Variants in RNF212B observed in about 807,000 individuals in gnomAD.
RNF212B encodes ring finger protein 212B, also known as E3 ubiquitin-protein ligase RNF212B.
A neutral mutation model predicts 55.5 loss-of-function variants in RNF212B; 52 were observed. That is an observed-to-expected ratio of 0.94 (90% CI 0.75 to 1.18). The LOEUF is 1.18. Among genes scored for constraint, RNF212B ranks in the 50% most tolerant of loss-of-function variants. The pLI is 0.00. For missense variants in RNF212B, 289 were observed against 350.4 expected (o/e 0.82, Z 1.40); for synonymous variants, 99 against 121.4 (o/e 0.82, Z 1.21).
chr14:23,195,851 C>T (rs1878607161), intron 2 of RNF212B, among the ~76,000 whole-genome samples: 1 of 152,194 alleles, frequency 6.6e-6, no homozygotes, highest in African/African-American at 2.4e-5. Context: ...CGTTGTTTTG[C>T]ATTTTACAAA....
chr14:23,223,963 G>A (rs1566408642), intron 2 of RNF212B, among the ~76,000 whole-genome samples: 1 of 151,970 alleles, frequency 6.6e-6, no homozygotes, highest in East Asian at 1.9e-4. Context: ...ATCTGAAAGA[G>A]AAATAAAAAA....
chr14:23,221,074 A>C (rs1010610548), intron 2 of RNF212B, among the ~76,000 whole-genome samples: 1 of 151,986 alleles, frequency 6.6e-6, no homozygotes, highest in Non-Finnish European at 1.5e-5. Flanking sequence ...AAAAGACACA[A>C]TGATCTGTCA....
At chr14:23,244,127 C>T (rs1413111804) in intron 3 of RNF212B, among the ~76,000 whole-genome samples, 195 bp from the exon 4 acceptor site, 1 of 151,956 alleles carries the variant, frequency 6.6e-6, no homozygotes. Flanking sequence ...TATTTGTGAC[C>T]ACTGTTACAG....
intron 2 of RNF212B, among the ~76,000 whole-genome samples, chr14:23,229,251 T>TATATATAC (rs1882335089): frequency 7.5e-6 from 1 of 133,720 alleles, no homozygotes; most frequent in Admixed American, 7.6e-5. Context: ...TATATATATA[T>TATATATAC]ATATATATAT....
chr14:23,211,634 T>A (rs1395924794), intron 2 of RNF212B, among the ~76,000 whole-genome samples: 2 of 152,156 alleles, frequency 1.3e-5, no homozygotes, highest in Non-Finnish European at 2.9e-5. Flanking sequence ...GGATAATACG[T>A]CATGAACAAA....
chr14:23,230,653 CAAAAAAAAAAAAA>C (rs60122483), intron 2 of RNF212B, among the ~76,000 whole-genome samples: 2 of 74,002 alleles, frequency 2.7e-5, no homozygotes, highest in African/African-American at 4.7e-5. Context: ...GACTCCATCT[CAAAAAAAAAAAAA>C]AAAAAAAAAA....
At chr14:23,238,118 G>A (rs1308269407) in intron 1 of RNF212B, among the ~76,000 whole-genome samples, 63 bp downstream of exon 1, 2 of 152,156 alleles carry the variant, frequency 1.3e-5, no homozygotes, top group Non-Finnish European at 2.9e-5. Context: ...CATCGCCTCT[G>A]GAAAGCAGGG....
chr14:23,201,679 A>G (rs1168152317), intron 2 of RNF212B, among the ~76,000 whole-genome samples: 1 of 152,236 alleles, frequency 6.6e-6, no homozygotes, highest in Non-Finnish European at 1.5e-5. Context: ...AAGTTTGTCA[A>G]ATATAAAAGG....
upstream of RNF212B, among the ~76,000 whole-genome samples, chr14:23,235,117 C>A (rs1883008028): frequency 6.6e-6 from 1 of 152,178 alleles, no homozygotes; most frequent in Admixed American, 6.5e-5. Flanking sequence ...GAAGCTGAGG[C>A]AGGAGAATTG....
intron 1 of RNF212B, among the ~76,000 whole-genome samples, chr14:23,189,388 A>G (rs1057279672): frequency 3.2e-4 from 49 of 151,864 alleles, no homozygotes; most frequent in African/African-American, 1.1e-3. Context: ...TCCCTATCCT[A>G]TCTCCCAAAG....
upstream of RNF212B, among the ~76,000 whole-genome samples, chr14:23,235,509 A>G (rs1883035336): frequency 6.6e-6 from 1 of 152,234 alleles, no homozygotes. Flanking sequence ...TCAAAAATAA[A>G]CAAAACTGCC....
intron 2 of RNF212B, among the ~76,000 whole-genome samples, chr14:23,214,745 A>G (rs980723564): frequency 2.6e-5 from 4 of 152,006 alleles, no homozygotes; most frequent in African/African-American, 9.7e-5. Flanking sequence ...CAGATTTAAC[A>G]TTTGTGTCAT....
At chr14:23,234,388 C>G (rs993286495), upstream of RNF212B, among the ~76,000 whole-genome samples, 5 of 151,734 alleles carry the variant, frequency 3.3e-5, no homozygotes, top group African/African-American at 4.8e-5. Context: ...ATTTTTGGAT[C>G]CTAGGAAGAT....
Position 23,253,519 on chromosome 14 carries a change from T to C in RNF212B, c.229-5030T>C, listed in dbSNP as rs74860143. ...GTAAGTTTAGGGTTTATCACCATCA[T>C]TGGTTTGGGGGCGGGGAAAGGTGAG... On this transcript the variant is annotated intron_variant, in intron 4 of 14. Coordinates refer to ENST00000430154, the MANE Select transcript of RNF212B (RefSeq NM_001282322.3). Among the ~76,000 whole-genome samples the C allele has an allele frequency of 9.3e-3, 1,412 of 152,252 alleles. 24 individuals carry two copies. Among genetic ancestry groups the C allele is most frequent in the African/African-American group, 0.032 (1,325 of 41,538 alleles).
At chr14:23,202,877 GA>G (rs1241387622) in intron 2 of RNF212B, among the ~76,000 whole-genome samples, 1 of 151,078 alleles carries the variant, frequency 6.6e-6, no homozygotes, top group Admixed American at 6.6e-5. Context: ...AAATTGCTGT[GA>G]GTGTTTAAAA....
chr14:23,214,023 T>A (rs999006980), intron 2 of RNF212B, among the ~76,000 whole-genome samples: 1 of 152,176 alleles, frequency 6.6e-6, no homozygotes, highest in African/African-American at 2.4e-5. Flanking sequence ...CTTGAGAGGC[T>A]AGCACAGGAG....
At chr14:23,268,313 T>C (rs8017553) in intron 11 of RNF212B, among the ~76,000 whole-genome samples, 53,673 of 152,056 alleles carry the variant, frequency 0.35, 10,648 homozygotes, top group African/African-American at 0.55. Flanking sequence ...TTGGGTTTCA[T>C]CATGAGCATG....
At chr14:23,270,396 A>G (rs1566444227) in intron 13 of RNF212B, among the ~76,000 whole-genome samples, 1 of 152,172 alleles carries the variant, frequency 6.6e-6, no homozygotes, top group African/African-American at 2.4e-5. Flanking sequence ...TTTCCCACTC[A>G]TAGTTAAATC....
intron 2 of RNF212B, among the ~76,000 whole-genome samples, chr14:23,228,105 C>T (rs1882202135): frequency 6.6e-6 from 1 of 151,798 alleles, no homozygotes; most frequent in Admixed American, 6.6e-5. Context: ...TGGCACATGC[C>T]TGTAATCCCA....
Sources: gnomAD v4.1 joint callset for allele counts (sites outside exome capture counted in the v4.1 genomes callset) on GRCh38, gnomAD v4.1.1 for gene constraint, MANE v1.5 for transcripts, NCBI Gene and HGNC (gene_info 2026-07-23, HGNC 2026-07-21) for gene names.